MLIP: variants seen among roughly 807,000 people sequenced by gnomAD.
MLIP encodes muscular LMNA interacting protein, also known as muscular LMNA-interacting protein.
In MLIP, 79 loss-of-function variants were observed where a neutral mutation model predicts 84.8. The observed-to-expected ratio is 0.93, with a 90% CI of 0.78 to 1.12. The LOEUF is 1.12. Among genes scored for constraint, MLIP ranks in the 50% most tolerant of loss-of-function variants. The pLI is 0.00. For synonymous variants in MLIP, 504 were observed against 463.0 expected (o/e 1.09, Z -1.14); for missense variants, 1,257 against 1,160.6 (o/e 1.08, Z -1.21).
At chr6:54,210,277 T>C (rs1170915986) in intron 11 of MLIP, among the ~76,000 whole-genome samples, 2 of 151,672 alleles carry the variant, frequency 1.3e-5, no homozygotes, top group Non-Finnish European at 3.0e-5. Context: ...GTATGTCCAA[T>C]TGTTAAATGT....
intron 1 of MLIP, among the ~76,000 whole-genome samples, chr6:54,104,123 A>G (rs1768844876): frequency 6.6e-6 from 1 of 152,184 alleles, no homozygotes; most frequent in African/African-American, 2.4e-5. Context: ...CGAATATGAT[A>G]AAAGCTTTTG....
At chr6:54,166,192 T>C (rs975821506) in intron 8 of MLIP, among the ~76,000 whole-genome samples, 4 of 151,976 alleles carry the variant, frequency 2.6e-5, no homozygotes, top group African/African-American at 9.7e-5. Flanking sequence ...GATGCAAGAA[T>C]GTTTGTAGTT....
intron 10 of MLIP, among the ~76,000 whole-genome samples, chr6:54,193,009 T>C (rs1426476930): frequency 6.6e-6 from 1 of 152,242 alleles, no homozygotes; most frequent in Non-Finnish European, 1.5e-5. Flanking sequence ...TTAACTTGGC[T>C]GATCTGTTTG....
At chr6:54,048,381 GATTC>G (rs1352296587) in intron 1 of MLIP, among the ~76,000 whole-genome samples, 1 of 152,180 alleles carries the variant, frequency 6.6e-6, no homozygotes, top group African/African-American at 2.4e-5. Context: ...GGGCTGGGAA[GATTC>G]AGTGCTTGGG....
chr6:54,131,500 C>T (rs1771376080), intron 3 of MLIP, among the ~76,000 whole-genome samples: 1 of 152,190 alleles, frequency 6.6e-6, no homozygotes, highest in Admixed American at 6.5e-5. Flanking sequence ...AATTCCTTCA[C>T]CTCTGTCATA....
Position 54,216,136 on chromosome 6 carries a change from C to G in MLIP, c.2718+13903C>G, listed in dbSNP as rs192087871. 5 of 984,110 alleles carry G rather than the reference C, an allele frequency of 5.1e-6. No homozygotes were observed. The Admixed American group carries it at 3.1e-4, about 60-fold the overall frequency. 61.0% of individuals were successfully genotyped at this position (984,110 alleles called of 1,614,324 possible). A position where few individuals can be genotyped will look rare whatever the true frequency, so the allele number is the denominator to read the frequency against. On this transcript the variant is annotated intron_variant, in intron 11 of 13. Transcript: ENST00000502396. ...GATACTGCAATGGTTGAATGAAATA[C>G]TCACTATCAAAGGGCTCTAAAGACT...
intron 3 of MLIP, 139 bp downstream of exon 3, chr6:54,125,004 A>G: frequency 1.5e-6 from 1 of 647,382 alleles, no homozygotes; most frequent in Non-Finnish European, 2.4e-6. Context: ...CCATTATCTC[A>G]GGGTAATAAA....
At chr6:54,256,716 C>T (rs1284190843) in intron 12 of MLIP, among the ~76,000 whole-genome samples, 2 of 152,132 alleles carry the variant, frequency 1.3e-5, no homozygotes, top group African/African-American at 4.8e-5. Flanking sequence ...AAGACCTTCT[C>T]TTCTGTTAAA....
At chr6:54,049,958 C>T (rs183558356) in intron 1 of MLIP, among the ~76,000 whole-genome samples, 5 of 152,194 alleles carry the variant, frequency 3.3e-5, no homozygotes, top group Admixed American at 3.3e-4. Context: ...ATGTTGGTGA[C>T]AGTTTAATAA....
In MLIP at chr6:54,066,776, T is replaced by C. The variant is rs1388838427; in HGVS notation, c.63+47685T>C. 4.0e-5 allele frequency among the ~76,000 whole-genome samples: 4 copies of C among 99,126 alleles called. 1 individual carries two copies. Among genetic ancestry groups the C allele is most frequent in the Admixed American group, 1.9e-4 (2 of 10,558 alleles). 65.0% of individuals were successfully genotyped at this position (99,126 alleles called of 152,430 possible). A position where few individuals can be genotyped will look rare whatever the true frequency, so the allele number is the denominator to read the frequency against. ...CAGGTGCTGTGGGAAGCTACAGGGA[T>C]ATATAAGCCACACTCACAGCCCTCT... On this transcript the variant is annotated intron_variant, in intron 1 of 12. Coordinates refer to the MLIP transcript ENST00000274897.
At chr6:54,028,671 C>G (rs191868054) in intron 1 of MLIP, among the ~76,000 whole-genome samples, 2 of 152,184 alleles carry the variant, frequency 1.3e-5, no homozygotes, top group Non-Finnish European at 2.9e-5. Flanking sequence ...ATTCATTCAG[C>G]CCAGCAATCC....
At chr6:54,155,974 A>T (rs1773981524) in intron 5 of MLIP, among the ~76,000 whole-genome samples, 1 of 152,006 alleles carries the variant, frequency 6.6e-6, no homozygotes, top group African/African-American at 2.4e-5. Context: ...GAAAATGTAT[A>T]TTTTTAATAA....
intron 9 of MLIP, among the ~76,000 whole-genome samples, chr6:54,172,875 C>T (rs1562013848): frequency 2.0e-5 from 3 of 151,600 alleles, no homozygotes; most frequent in Non-Finnish European, 4.4e-5. Flanking sequence ...AGGTTTTCTC[C>T]AGTCCGTGGT....
At chr6:54,148,163 A>G (rs1380132166) in intron 4 of MLIP, among the ~76,000 whole-genome samples, 3 of 152,090 alleles carry the variant, frequency 2.0e-5, no homozygotes, top group Admixed American at 6.6e-5. Context: ...CTCTGTGCCA[A>G]TTTCCTCACT....
rs181961886 is a variant in MLIP at position 54,191,473 on chromosome 6, T to G, written c.2589+1559T>G. Among the ~76,000 whole-genome samples, 464 of 152,102 alleles carry G rather than the reference T, an allele frequency of 3.1e-3. 3 individuals are homozygous for G. The highest frequency in any genetic ancestry group is 8.6e-3 in the African/African-American group (357 of 41,488). On this transcript the variant is annotated intron_variant, in intron 10 of 13. Coordinates refer to ENST00000502396, the MANE Select transcript of MLIP (RefSeq NM_001281747.2). Reference sequence around the variant, plus strand: ...CAATTGGTTTAGAACAGTGTGTGTGTGGGGGGGCAATATAGTATAGTTGAA... The same window carrying G: ...CAATTGGTTTAGAACAGTGTGTGTGGGGGGGGGCAATATAGTATAGTTGAA...
At chr6:54,089,769 G>A (rs1028611328) in intron 1 of MLIP, among the ~76,000 whole-genome samples, 2 of 152,114 alleles carry the variant, frequency 1.3e-5, no homozygotes, top group South Asian at 2.1e-4. Flanking sequence ...ACTTCAGAAT[G>A]TTTCTAAAGT....
chr6:54,172,101 A>G (rs57778063), intron 9 of MLIP, among the ~76,000 whole-genome samples: 2,738 of 151,658 alleles, frequency 0.018, 87 homozygotes, highest in African/African-American at 0.06. Context: ...GTTTTGTTAC[A>G]CTTGAGGATA....
intron 1 of MLIP, among the ~76,000 whole-genome samples, chr6:54,051,190 A>G (rs1765356739): frequency 6.6e-6 from 1 of 151,320 alleles, no homozygotes; most frequent in African/African-American, 2.4e-5. Context: ...TTATAAATAT[A>G]TAAGTATTAG....
chr6:54,177,963 A>T (rs146330171), intron 9 of MLIP, among the ~76,000 whole-genome samples: 4 of 152,176 alleles, frequency 2.6e-5, no homozygotes, highest in African/African-American at 9.7e-5. Flanking sequence ...CAAACACCAC[A>T]TATTCTCACA....
Sources: allele counts gnomAD v4.1 joint callset (sites outside exome capture counted in the v4.1 genomes callset), GRCh38; gene constraint gnomAD v4.1.1; transcripts MANE v1.5; gene names NCBI Gene and HGNC (gene_info 2026-07-23, HGNC 2026-07-21).